TMEM185A: variants seen among roughly 807,000 people sequenced by gnomAD.
TMEM185A encodes the protein family with sequence similarity 11, member A.
TMEM185A carries 9 observed loss-of-function variants against 25.0 expected under a neutral mutation model. The ratio of observed to expected loss-of-function variants is 0.36; its 90% CI spans 0.22 to 0.63. TMEM185A has a LOEUF of 0.63. Ranked by LOEUF, TMEM185A falls within the 20% of genes least tolerant of loss-of-function variation. The probability of loss-of-function intolerance (pLI) is 0.68; values close to 1 mark genes in which losing one functional copy is unlikely to be tolerated. For missense variants in TMEM185A, 103 were observed against 237.4 expected (o/e 0.43, Z 3.72); for synonymous variants, 45 against 93.5 (o/e 0.48, Z 2.99).
At chrX:149,626,119 G>A (rs1358948576) in intron 1 of TMEM185A, among the ~76,000 whole-genome samples, 1 of 112,369 alleles carries the variant, frequency 8.9e-6, no homozygotes, top group South Asian at 3.7e-4. Flanking sequence ...ACCTAATTTT[G>A]CAGGGTTGTT....
At chrX:149,604,925 G>GTAA (rs1202746212) in intron 3 of TMEM185A, among the ~76,000 whole-genome samples, 1 of 111,383 alleles carries the variant, frequency 9.0e-6, no homozygotes, top group Non-Finnish European at 1.9e-5. Flanking sequence ...GAGTGTTCTG[G>GTAA]TAATTCCTTC....
At chrX:149,627,053 G>C (rs79730413) in intron 1 of TMEM185A, among the ~76,000 whole-genome samples, 19,112 of 110,891 alleles carry the variant, frequency 0.17, 2,203 homozygotes, top group African/African-American at 0.41. Flanking sequence ...AAGAGGCCCC[G>C]CTCTTTCACT....
At chrX:149,628,902 T>G (rs1185956465) in intron 1 of TMEM185A, among the ~76,000 whole-genome samples, 2 of 110,826 alleles carry the variant, frequency 1.8e-5, no homozygotes, top group Non-Finnish European at 3.8e-5. Flanking sequence ...CTCTGGAGAG[T>G]TATTCAGTTA....
intron 1 of TMEM185A, among the ~76,000 whole-genome samples, chrX:149,616,549 C>T (rs910306827): frequency 4.5e-5 from 5 of 111,944 alleles, no homozygotes; most frequent in Non-Finnish European, 3.8e-5. Flanking sequence ...ACACTGCCTT[C>T]TCCTCTTAAT....
intron 3 of TMEM185A, among the ~76,000 whole-genome samples, chrX:149,607,543 G>A (rs147364280): frequency 9.7e-4 from 110 of 112,835 alleles, no homozygotes; most frequent in African/African-American, 3.5e-3. Context: ...CACAATGCCT[G>A]GCACACAGTA....
intron 1 of TMEM185A, among the ~76,000 whole-genome samples, chrX:149,629,644 T>C (rs1444080948): frequency 8.9e-6 from 1 of 112,365 alleles, no homozygotes; most frequent in Non-Finnish European, 1.9e-5. Flanking sequence ...AATTAAGAGA[T>C]TGATGAATAT....
rs1176203914 is a variant in TMEM185A, at chrX:149,616,106, C to G, written c.39-4643G>C. ...ACCTAATCACCTCCCAAATGCCCCA[C>G]CTCCAAATACCATCACACTGGGGAC... is the stretch of plus-strand genomic sequence containing the variant. On this transcript the variant is annotated intron_variant, in intron 1 of 6. Transcript: ENST00000600449. Among the ~76,000 whole-genome samples the G allele has an allele frequency of 1.8e-5, 2 of 112,116 alleles. 1 individual carries two copies. Among genetic ancestry groups the G allele is most frequent in the Admixed American group, 1.9e-4 (2 of 10,645 alleles).
At chrX:149,613,265 T>C (rs1170709199) in intron 1 of TMEM185A, among the ~76,000 whole-genome samples, 1 of 112,301 alleles carries the variant, frequency 8.9e-6, no homozygotes, top group Non-Finnish European at 1.9e-5. Context: ...TGTAATCACA[T>C]AAGCCCTTAA....
chrX:149,626,066 T>A (rs1195727756), intron 1 of TMEM185A, among the ~76,000 whole-genome samples: 1 of 112,367 alleles, frequency 8.9e-6, no homozygotes, highest in East Asian at 2.8e-4. Context: ...CTATGCAACT[T>A]CAGGGAAGTC....
At chrX:149,630,146 T>C (rs781895114) in intron 1 of TMEM185A, among the ~76,000 whole-genome samples, 1 of 111,788 alleles carries the variant, frequency 8.9e-6, no homozygotes, top group Non-Finnish European at 1.9e-5. Flanking sequence ...TTACCTCCTC[T>C]ATGCCTTCGA....
intron 3 of TMEM185A, among the ~76,000 whole-genome samples, chrX:149,605,653 C>T (rs1262610429): frequency 1.8e-5 from 2 of 112,243 alleles, no homozygotes; most frequent in Non-Finnish European, 3.8e-5. Flanking sequence ...CATTCTTTTT[C>T]CCACACTGTC....
intron 1 of TMEM185A, among the ~76,000 whole-genome samples, chrX:149,631,205 G>C (rs1557356579): frequency 1.8e-5 from 2 of 109,464 alleles, no homozygotes; most frequent in Non-Finnish European, 3.8e-5. Flanking sequence ...CAGCGGCGCA[G>C]AAGAGGATGG....
chrX:149,620,044 GTAAAC>G (rs1557355410), intron 1 of TMEM185A, among the ~76,000 whole-genome samples: 1 of 111,561 alleles, frequency 9.0e-6, no homozygotes, highest in Admixed American at 9.5e-5. Flanking sequence ...TGGTGGGACT[GTAAAC>G]TAGTTCAACC....
At chrX:149,608,415 C>A in intron 3 of TMEM185A, 1 of 369,425 alleles carries the variant, frequency 2.7e-6, no homozygotes, top group Non-Finnish European at 4.7e-6. Context: ...ACTGCAACCT[C>A]CGCCTCCTGG....
At chrX:149,612,903 A>C (rs1488501846) in intron 1 of TMEM185A, among the ~76,000 whole-genome samples, 2 of 112,059 alleles carry the variant, frequency 1.8e-5, no homozygotes, top group African/African-American at 3.3e-5. Context: ...TACATCTCAA[A>C]GCCAGTAACA....
chrX:149,624,809 G>T (rs2090155887), intron 1 of TMEM185A, among the ~76,000 whole-genome samples: 1 of 112,042 alleles, frequency 8.9e-6, no homozygotes, highest in African/African-American at 3.2e-5. Context: ...CAGAGCCCAG[G>T]CCAGTAGGAA....
intron 1 of TMEM185A, among the ~76,000 whole-genome samples, chrX:149,617,169 A>G (rs1347701978): frequency 8.9e-6 from 1 of 112,229 alleles, no homozygotes; most frequent in African/African-American, 3.2e-5. Flanking sequence ...AAAATGTCCA[A>G]AACACATATG....
chrX:149,627,089 C>T (rs2090167470), intron 1 of TMEM185A, among the ~76,000 whole-genome samples: 1 of 111,460 alleles, frequency 9.0e-6, no homozygotes, highest in Admixed American at 9.4e-5. Flanking sequence ...AGACACTTTA[C>T]GGGTGTCGGG....
At chrX:149,610,614 G>C (rs1286477232) in intron 2 of TMEM185A, among the ~76,000 whole-genome samples, 2 of 110,336 alleles carry the variant, frequency 1.8e-5, no homozygotes, top group Non-Finnish European at 3.8e-5. Flanking sequence ...TGGCAGAGAA[G>C]GGAAAGACTC....
Sources: allele counts gnomAD v4.1 joint callset (sites outside exome capture counted in the v4.1 genomes callset), GRCh38; gene constraint gnomAD v4.1.1; transcripts MANE v1.5; gene names NCBI Gene and HGNC (gene_info 2026-07-23, HGNC 2026-07-21).